Variants in CAST observed in about 807,000 individuals in gnomAD.
CAST encodes MIR583 host.
CAST carries 76 observed loss-of-function variants against 119.6 expected under a neutral mutation model. That is an observed-to-expected ratio of 0.64 (90% CI 0.53 to 0.77). CAST has a LOEUF of 0.77. Among genes scored for constraint, CAST ranks in the 30% least tolerant of loss-of-function variants. The pLI is 0.00. For synonymous variants in CAST, 319 were observed against 331.6 expected, an observed-to-expected ratio of 0.96 and a Z score of 0.41; for missense variants, 953 against 946.5, an observed-to-expected ratio of 1.01 and a Z score of -0.09.
chr5:96,754,056 T>G lies in CAST; in HGVS notation c.1525-4T>G. On this transcript the variant is annotated splice_region_variant and splice_polypyrimidine_tract_variant and intron_variant, in intron 20 of 31. Coordinates refer to ENST00000675179, the MANE Select transcript of CAST (RefSeq NM_001750.7). ...ACTTAATATATCCACTAATGCACTT[T>G]CAGAAGGGCACAGTGCCAGATGATG... The G allele has an allele frequency of 6.3e-7, 1 of 1,598,686 alleles. No individual in the cohort carries two copies. The highest frequency in any genetic ancestry group is 8.6e-7 in the Non-Finnish European group (1 of 1,165,906).
At chr5:96,679,069 G>A (rs1166643316) in intron 2 of CAST, among the ~76,000 whole-genome samples, 2 of 151,794 alleles carry the variant, frequency 1.3e-5, no homozygotes, top group South Asian at 2.1e-4. Context: ...GTGTGATCAT[G>A]GCTCACCGCA....
chr5:96,493,647 A>G, the CAST span, among the ~76,000 whole-genome samples: 6 of 152,360 alleles, frequency 3.9e-5, no homozygotes, highest in Non-Finnish European at 8.8e-5. Context: ...GAAGTAGTTT[A>G]GAGTCCATGT....
At chr5:96,485,700 T>C in the CAST span, among the ~76,000 whole-genome samples, 1 of 152,122 alleles carries the variant, frequency 6.6e-6, no homozygotes, top group Non-Finnish European at 1.5e-5. Context: ...AGCTGTTTAA[T>C]TTATTTGTTG....
the CAST span, among the ~76,000 whole-genome samples, chr5:96,460,172 G>A: frequency 1.3e-5 from 2 of 152,122 alleles, no homozygotes; most frequent in Non-Finnish European, 2.9e-5. Context: ...GAGTTTCAAT[G>A]TCCTGCATAT....
At chr5:96,324,897 A>G in the CAST span, among the ~76,000 whole-genome samples, 1 of 152,072 alleles carries the variant, frequency 6.6e-6, no homozygotes, top group South Asian at 2.1e-4. Context: ...TCCTTTCTAT[A>G]TTTGTATAAG....
At chr5:96,697,223 A>T (rs1271966725) in intron 3 of CAST, among the ~76,000 whole-genome samples, 1 of 152,224 alleles carries the variant, frequency 6.6e-6, no homozygotes, top group Non-Finnish European at 1.5e-5. Flanking sequence ...GTGGTCTTTT[A>T]GTATGTCCAA....
the CAST span, among the ~76,000 whole-genome samples, chr5:96,271,810 A>G: frequency 6.6e-6 from 1 of 152,210 alleles, no homozygotes; most frequent in Non-Finnish European, 1.5e-5. Flanking sequence ...CAATTAACAA[A>G]GTGAACAGAC....
chr5:96,568,344 C>T (rs1746510100), intron 1 of CAST, among the ~76,000 whole-genome samples: 2 of 152,050 alleles, frequency 1.3e-5, no homozygotes, highest in South Asian at 4.1e-4. Flanking sequence ...GCAGGCAGAT[C>T]ACTTGAGGTC....
the CAST span, among the ~76,000 whole-genome samples, chr5:96,388,138 G>A: frequency 0.024 from 3,666 of 152,286 alleles, 148 homozygotes; most frequent in African/African-American, 0.082. Context: ...AGAGAGAACC[G>A]GTATAGAAAC....
At chr5:96,554,181 A>T (rs952072569) in intron 1 of CAST, among the ~76,000 whole-genome samples, 18 of 152,252 alleles carry the variant, frequency 1.2e-4, no homozygotes, top group Non-Finnish European at 2.4e-4. Flanking sequence ...TAACCAAAAC[A>T]GCATGGTACT....
chr5:96,729,508 A>T lies in CAST; in HGVS notation c.436-104A>T, dbSNP rs114524497. On this transcript the variant is annotated intron_variant, in intron 7 of 31. Transcript: ENST00000675179. ...ACCACAGACAGCACAACTGTTATGA[A>T]CAATTTTTATTCTATAGAGAAAAGT... 1,852 of 658,924 alleles carry T rather than the reference A, an allele frequency of 2.8e-3. 23 individuals are homozygous for T. In the African/African-American group the frequency reaches 0.029, roughly 10 times the overall value. 40.8% of individuals were successfully genotyped at this position (658,924 alleles called of 1,614,324 possible). A position where few individuals can be genotyped will look rare whatever the true frequency, so the allele number is the denominator to read the frequency against.
At chr5:96,245,968 A>G in the CAST span, among the ~76,000 whole-genome samples, 1 of 152,144 alleles carries the variant, frequency 6.6e-6, no homozygotes, top group Non-Finnish European at 1.5e-5. Context: ...AGCAGCACCA[A>G]CTACCATTTG....
the CAST span, chr5:96,432,116 C>T: frequency 2.6e-6 from 4 of 1,535,570 alleles, no homozygotes; most frequent in Admixed American, 3.9e-5. Flanking sequence ...TAGATCCCTT[C>T]CCCATAGTCA....
chr5:96,567,530 C>T (rs1473060172), intron 1 of CAST, among the ~76,000 whole-genome samples: 1 of 152,108 alleles, frequency 6.6e-6, no homozygotes, highest in Non-Finnish European at 1.5e-5. Context: ...GTGCAAATGC[C>T]ACTTCCTCCA....
In CAST at chr5:96,773,424, T is replaced by TG. The variant is rs1773170417; in HGVS notation, c.*809dup. The TG allele has an allele frequency of 6.6e-6, 1 of 152,428 alleles. No individual in the cohort carries two copies. The highest frequency in any genetic ancestry group is 6.5e-5 in the Admixed American group (1 of 15,280). 9.4% of individuals were successfully genotyped at this position (152,428 alleles called of 1,614,324 possible). ...TAATTCTTAGGGTACTCATCTGACT[T>TG]GAACTCTGTTGGTTTACTGTGTTAG... On this transcript the variant is annotated 3_prime_UTR_variant, in exon 32 of 32. Transcript: ENST00000675179.
rs1325384971 is a variant in CAST, at chr5:96,757,500, C to A, written c.1761+6C>A. The A allele has an allele frequency of 1.2e-6, 2 of 1,613,732 alleles. No individual in the cohort carries two copies. The highest frequency in any genetic ancestry group is 1.7e-6 in the Non-Finnish European group (2 of 1,179,814). On this transcript the variant is annotated splice_donor_region_variant and intron_variant, in intron 23 of 31. Coordinates refer to ENST00000675179, the MANE Select transcript of CAST (RefSeq NM_001750.7). ...AGTCTAAGGAACAGCTTCCAGTAAG[C>A]AAACCAGTTTTCTCTGAGGATATCT...
At chr5:95,976,264 G>A in the CAST span, among the ~76,000 whole-genome samples, 4 of 151,604 alleles carry the variant, frequency 2.6e-5, no homozygotes, top group Non-Finnish European at 4.4e-5. Context: ...TCCTGCCTTT[G>A]TTGATACTTA....
chr5:96,628,244 A>G (rs1209754443), intron 1 of CAST, among the ~76,000 whole-genome samples: 1 of 152,362 alleles, frequency 6.6e-6, no homozygotes, highest in East Asian at 1.9e-4. Flanking sequence ...TAATAAATAT[A>G]TAACTTTAGC....
chr5:96,408,311 G>A, the CAST span: 1 of 1,613,704 alleles, frequency 6.2e-7, no homozygotes, highest in Non-Finnish European at 8.5e-7. Context: ...TCATTGTGCA[G>A]GTCAGCGCTC....
Sources: gnomAD v4.1 joint callset for allele counts (sites outside exome capture counted in the v4.1 genomes callset) on GRCh38, gnomAD v4.1.1 for gene constraint, MANE v1.5 for transcripts, NCBI Gene and HGNC (gene_info 2026-07-23, HGNC 2026-07-21) for gene names.